The following TPGS2 variants were observed in gnomAD, a reference collection of about 807,000 sequenced individuals.
TPGS2 encodes the protein polyglutamylase subunit 2.
TPGS2 carries 26 observed loss-of-function variants against 31.1 expected under a neutral mutation model. That is an observed-to-expected ratio of 0.84 (90% CI 0.61 to 1.16). The LOEUF is 1.16. Among genes scored for constraint, TPGS2 ranks in the 50% most tolerant of loss-of-function variants. The pLI, the probability that TPGS2 is intolerant of heterozygous loss-of-function variation, is 0.00. For synonymous variants in TPGS2, 130 were observed against 136.6 expected (o/e 0.95, Z 0.34); for missense variants, 351 against 363.8 (o/e 0.96, Z 0.29).
chr18:36,809,841 T>C (rs540167540), intron 2 of TPGS2, among the ~76,000 whole-genome samples: 54 of 152,332 alleles, frequency 3.5e-4, no homozygotes, highest in Non-Finnish European at 5.9e-4. Context: ...GCAGGTGGAC[T>C]ATTTGGCATT....
At chr18:36,826,736 T>A (rs2046154336) in intron 1 of TPGS2, among the ~76,000 whole-genome samples, 1 of 152,182 alleles carries the variant, frequency 6.6e-6, no homozygotes, top group South Asian at 2.1e-4. Context: ...AGTCCTGTAA[T>A]CCTTGCGTCA....
chr18:36,823,585 C>CGAGTAG (rs1446044067), intron 1 of TPGS2, among the ~76,000 whole-genome samples: 2 of 149,940 alleles, frequency 1.3e-5, no homozygotes, highest in African/African-American at 4.9e-5. Flanking sequence ...CTCAGCCTCC[C>CGAGTAG]GAGTAGCTGG....
At chr18:36,797,478 T>C (rs1259708026) in intron 6 of TPGS2, among the ~76,000 whole-genome samples, 1 of 149,482 alleles carries the variant, frequency 6.7e-6, no homozygotes, top group African/African-American at 2.5e-5. Flanking sequence ...GGGCCTCTGC[T>C]GAGGGATGCT....
At chr18:36,817,262 T>C (rs1407740864) in intron 2 of TPGS2, among the ~76,000 whole-genome samples, 2 of 152,132 alleles carry the variant, frequency 1.3e-5, no homozygotes, top group Non-Finnish European at 2.9e-5. Context: ...GGAGTCAGGC[T>C]GGCAGGACTG....
chr18:36,787,185 G>A, intron 6 of TPGS2: 1 of 1,176,508 alleles, frequency 8.5e-7, no homozygotes, highest in Non-Finnish European at 1.1e-6. Flanking sequence ...GAGCCACAAG[G>A]TAATAGGGGG....
Position 36,796,280 on chromosome 18 carries a change from A to G in TPGS2, c.*525T>C. On this transcript the variant is annotated 3_prime_UTR_variant, in exon 7 of 7. Coordinates refer to ENST00000334295, the MANE Select transcript of TPGS2 (RefSeq NM_015476.4). ...TTCTAATGCAGTGCTGTCCAACAGA[A>G]CTTTCTGTGGTGATGGAAATGTTCC... The G allele has an allele frequency of 5.1e-6, 5 of 985,118 alleles. No individual in the cohort carries two copies. Among genetic ancestry groups the G allele is most frequent in the Non-Finnish European group, 6.0e-6 (5 of 829,612 alleles). 61.0% of individuals were successfully genotyped at this position (985,118 alleles called of 1,614,324 possible).
At chr18:36,813,144 G>A (rs567984442) in intron 2 of TPGS2, among the ~76,000 whole-genome samples, 64 of 152,166 alleles carry the variant, frequency 4.2e-4, no homozygotes, top group Non-Finnish European at 7.6e-4. Context: ...CTTTCCTTAA[G>A]CCAAACATAT....
At chr18:36,801,353 C>G (rs1394852675) in intron 4 of TPGS2, among the ~76,000 whole-genome samples, 1 of 152,068 alleles carries the variant, frequency 6.6e-6, no homozygotes, top group Non-Finnish European at 1.5e-5. Context: ...TTGAGACAGA[C>G]AGGGTCTCCA....
At chr18:36,808,707 T>G (rs1052088654) in intron 2 of TPGS2, among the ~76,000 whole-genome samples, 32 of 152,076 alleles carry the variant, frequency 2.1e-4, no homozygotes, top group African/African-American at 7.5e-4. Flanking sequence ...CTGACAGCTC[T>G]TAGAAGGTAA....
Position 36,815,614 on chromosome 18 carries a change from T to A in TPGS2, c.165+3280A>T, listed in dbSNP as rs190266522. 1.3e-4 allele frequency among the ~76,000 whole-genome samples: 15 copies of A among 117,292 alleles called. 1 individual carries two copies. In the East Asian group the frequency reaches 2.7e-3, roughly 21 times the overall value. The allele number at this position is 117,292 out of a possible 152,430, so 76.9% of individuals were successfully genotyped here. ...TCTAGGTAGGAAAATCCTAGGAGAC[T>A]TTTTTTTTGTATTTTCAATACACCT... is the stretch of plus-strand genomic sequence containing the variant. On this transcript the variant is annotated intron_variant, in intron 2 of 6. Transcript: ENST00000334295.
At chr18:36,814,940 T>A (rs1008175392) in intron 2 of TPGS2, among the ~76,000 whole-genome samples, 1 of 152,212 alleles carries the variant, frequency 6.6e-6, no homozygotes, top group Non-Finnish European at 1.5e-5. Flanking sequence ...CTGCAGGGGA[T>A]CTCTATTTGG....
intron 2 of TPGS2, among the ~76,000 whole-genome samples, chr18:36,809,485 C>A (rs1364567843): frequency 6.6e-6 from 1 of 152,130 alleles, no homozygotes; most frequent in Non-Finnish European, 1.5e-5. Context: ...TTATTTAGTA[C>A]CCAGTCTCAT....
chr18:36,795,206 C>A lies in TPGS2; in HGVS notation c.*1599G>T. 1 of 985,388 alleles carries A rather than the reference C, an allele frequency of 1.0e-6. No homozygotes were observed. 61.0% of individuals were successfully genotyped at this position (985,388 alleles called of 1,614,324 possible). A position where few individuals can be genotyped will look rare whatever the true frequency, so the allele number is the denominator to read the frequency against. The stretch of plus-strand genomic sequence containing the variant: ...GTCAACAATCAAAATAAACATGTTT[C>A]AGAGCAAAAGTGCATGTGGAGAATC... On this transcript the variant is annotated 3_prime_UTR_variant, in exon 7 of 7. Transcript: ENST00000334295.
At chr18:36,826,232 G>T (rs965797922) in intron 1 of TPGS2, among the ~76,000 whole-genome samples, 2 of 152,038 alleles carry the variant, frequency 1.3e-5, no homozygotes, top group African/African-American at 4.8e-5. Context: ...AGGCTATGTT[G>T]CCCAGGCTGG....
chr18:36,786,519 T>C (rs1443157535), intron 6 of TPGS2: 1 of 185,828 alleles, frequency 5.4e-6, no homozygotes, highest in East Asian at 1.3e-4. Context: ...GCCTGGCCAA[T>C]TGTTTTATTC....
chr18:36,796,920 T>C lies in TPGS2; in HGVS notation c.788A>G (p.Lys263Arg). Residue 263 changes from lysine (K) to arginine (R), a missense_variant, in exon 7 of 7, where the codon AAG becomes AGG. Coordinates refer to ENST00000334295, the MANE Select transcript of TPGS2 (RefSeq NM_015476.4). Reference protein sequence around the residue: ...KSKNKIVIPKKKGPVQPAGGQ... With the variant: ...KSKNKIVIPKRKGPVQPAGGQ... ...ACCTGCAGGCTGCACAGGCCCTTTC[T>C]TTTTTGGGATTACGATCTTGTTCTT... is the stretch of plus-strand genomic sequence containing the variant. 1 of 1,609,332 alleles carries C rather than the reference T, an allele frequency of 6.2e-7. No individual in the cohort carries two copies. The highest frequency in any genetic ancestry group is 8.5e-7 in the Non-Finnish European group (1 of 1,178,452).
chr18:36,787,230 G>T (rs2044155202), intron 6 of TPGS2, among the ~76,000 whole-genome samples: 1 of 152,216 alleles, frequency 6.6e-6, no homozygotes, highest in African/African-American at 2.4e-5. Flanking sequence ...CAGTTTTCCT[G>T]AACTATGAGA....
intron 3 of TPGS2, 26 bp downstream of exon 3, chr18:36,807,821 G>GTT (rs1460475130): frequency 6.2e-7 from 1 of 1,606,460 alleles, no homozygotes; most frequent in Non-Finnish European, 8.5e-7. Flanking sequence ...CCAGGGAAAT[G>GTT]TTCTCCTACA....
At chr18:36,800,455 T>C (rs760808210) in intron 4 of TPGS2, 144 bp from the exon 5 acceptor site, 2 of 696,812 alleles carry the variant, frequency 2.9e-6, no homozygotes, top group Non-Finnish European at 5.0e-6. Context: ...AAATAAATTC[T>C]GTATTTGAAT....
Sources: allele counts gnomAD v4.1 joint callset (sites outside exome capture counted in the v4.1 genomes callset), GRCh38; gene constraint gnomAD v4.1.1; transcripts MANE v1.5; gene names NCBI Gene and HGNC (gene_info 2026-07-23, HGNC 2026-07-21).